TNFRSF11B: variants seen among roughly 807,000 people sequenced by gnomAD.
TNFRSF11B encodes tumor necrosis factor receptor superfamily member 11B.
Under a neutral mutation model 43.4 loss-of-function variants are expected in TNFRSF11B, and 16 were observed. The observed-to-expected ratio is 0.37, with a 90% confidence interval of 0.25 to 0.56. The LOEUF (loss-of-function observed/expected upper bound fraction) is 0.56, where lower values mean the gene tolerates loss of function less well. Among genes scored for constraint, TNFRSF11B ranks in the 20% least tolerant of loss-of-function variants. The pLI is 0.80. For synonymous variants in TNFRSF11B, 185 were observed against 181.8 expected, an observed-to-expected ratio of 1.02 and a Z score of -0.14; for missense variants, 444 against 490.1, an observed-to-expected ratio of 0.91 and a Z score of 0.89.
Position 118,933,090 on chromosome 8 carries a change from G to C in TNFRSF11B, c.241C>G (p.Leu81Val), listed in dbSNP as rs768572122. 4.3e-6 allele frequency: 7 copies of C among 1,614,230 alleles called. No homozygotes were observed. The South Asian group carries it at 6.6e-5, about 15-fold the overall frequency. The part of the protein sequence containing the change: ...TDSWHTSDEC[L>V]YCSPVCKELQ... Reference sequence around the variant, plus strand: ...TCCTTGCACACGGGGCTGCAGTATAGACACTCGTCACTGGTGTGCCAGCTG... The same window carrying C: ...TCCTTGCACACGGGGCTGCAGTATACACACTCGTCACTGGTGTGCCAGCTG... The change falls in exon 2 of 5, where the codon CTA becomes GTA. Residue 81 changes from leucine (L) to valine (V), a missense_variant. Transcript: ENST00000297350.
chr8:118,924,512 G>T lies in TNFRSF11B; in HGVS notation c.1068C>A (p.His356Gln). ...GACTCTGAGTGACAGTTTTGGGAAAGTGGTACGTCTTTGAGTGCTTTAGTG... is the reference window on the plus strand; with the variant it reads ...GACTCTGAGTGACAGTTTTGGGAAATTGGTACGTCTTTGAGTGCTTTAGTG... ...MHALKHSKTY[H>Q]FPKTVTQSLK... The change falls in exon 5 of 5, where the codon CAC (histidine) becomes CAA (glutamine). Residue 356 changes from histidine (H) to glutamine (Q), a missense_variant. His to Gln is a conservative substitution (Grantham distance 24). Transcript: ENST00000297350. 6.2e-7 allele frequency: 1 copy of T among 1,614,136 alleles called. No homozygotes were observed. The highest frequency in any genetic ancestry group is 8.5e-7 in the Non-Finnish European group (1 of 1,179,976).
chr8:118,943,218 TA>T (rs890891188), intron 1 of TNFRSF11B, among the ~76,000 whole-genome samples: 1 of 152,162 alleles, frequency 6.6e-6, no homozygotes, highest in African/African-American at 2.4e-5. Context: ...TTGTACTTTC[TA>T]AAAGGTACTA....
At chr8:118,944,150 A>T (rs1354852870) in intron 1 of TNFRSF11B, among the ~76,000 whole-genome samples, 1 of 152,146 alleles carries the variant, frequency 6.6e-6, no homozygotes, top group African/African-American at 2.4e-5. Context: ...GTCTTATGTC[A>T]TGCCAATAAA....
At chr8:118,929,765 C>T (rs981199499) in intron 2 of TNFRSF11B, among the ~76,000 whole-genome samples, 1 of 152,158 alleles carries the variant, frequency 6.6e-6, no homozygotes, top group Non-Finnish European at 1.5e-5. Context: ...TCATACATTC[C>T]AGTGTATCTG....
rs1323519806 is a variant in TNFRSF11B, at chr8:118,924,586, A to G, written c.994T>C (p.Trp332Arg). Reference protein sequence around the residue: ...SDQILKLLSLWRIKNGDQDTL... With the variant: ...SDQILKLLSLRRIKNGDQDTL... ...TCTTGGTCGCCATTTTTTATTCGCC[A>G]CAAACTGAGCAGCTTCAGGATCTGG... The change falls in exon 5 of 5, where the codon TGG becomes CGG. Residue 332 changes from tryptophan (W) to arginine (R), a missense_variant. Transcript: ENST00000297350. The G allele has an allele frequency of 1.9e-6, 3 of 1,614,038 alleles. No individual in the cohort carries two copies. Among genetic ancestry groups the G allele is most frequent in the Non-Finnish European group, 2.5e-6 (3 of 1,180,046 alleles).
chr8:118,948,800 AACTT>A lies in TNFRSF11B; in HGVS notation c.30+2988_30+2991del, dbSNP rs1226619035. 1.8e-4 allele frequency among the ~76,000 whole-genome samples: 27 copies of A among 151,662 alleles called. No homozygotes were observed. In the East Asian group the frequency reaches 4.9e-3, roughly 27 times the overall value. On this transcript the variant is annotated intron_variant, in intron 1 of 4. Transcript: ENST00000297350. ...AAAAACAAACAAACAAACAAAAAAA[AACTT>A]AACCACTAGGGGGAGGGAGAGGAAA...
chr8:118,942,965 C>T (rs1312389787), intron 1 of TNFRSF11B, among the ~76,000 whole-genome samples: 1 of 152,072 alleles, frequency 6.6e-6, no homozygotes, highest in African/African-American at 2.4e-5. Flanking sequence ...GTCCACCTAC[C>T]CACCTATTCA....
At chr8:118,930,818 T>C (rs888338878) in intron 2 of TNFRSF11B, 1 of 419,810 alleles carries the variant, frequency 2.4e-6, no homozygotes, top group Non-Finnish European at 4.9e-6. Context: ...TAAGTTAGCT[T>C]TTAAAGTTAT....
At chr8:118,935,675 T>G (rs1812396535) in intron 1 of TNFRSF11B, among the ~76,000 whole-genome samples, 1 of 152,158 alleles carries the variant, frequency 6.6e-6, no homozygotes, top group Non-Finnish European at 1.5e-5. Flanking sequence ...AAATGAGGAT[T>G]TCCTGATTCA....
intron 2 of TNFRSF11B, 26 bp downstream of exon 2, chr8:118,932,905 T>G: frequency 6.2e-7 from 1 of 1,613,746 alleles, no homozygotes; most frequent in Non-Finnish European, 8.5e-7. Context: ...TGATCCTAAT[T>G]AATTTTGCTG....
chr8:118,943,442 G>A (rs1478399321), intron 1 of TNFRSF11B, among the ~76,000 whole-genome samples: 1 of 152,058 alleles, frequency 6.6e-6, no homozygotes, highest in East Asian at 1.9e-4. Flanking sequence ...AATCCCTGTG[G>A]AAAACTCTGG....
chr8:118,946,503 CTCTT>C (rs1812562890), intron 1 of TNFRSF11B, among the ~76,000 whole-genome samples: 1 of 152,194 alleles, frequency 6.6e-6, no homozygotes, highest in Non-Finnish European at 1.5e-5. Context: ...CCATACCTCA[CTCTT>C]TCTTCTAGCA....
chr8:118,940,089 A>G (rs1473208737), intron 1 of TNFRSF11B, among the ~76,000 whole-genome samples: 1 of 152,152 alleles, frequency 6.6e-6, no homozygotes, highest in Non-Finnish European at 1.5e-5. Flanking sequence ...GACAGAAAAC[A>G]AAACACCCCA....
chr8:118,941,176 T>C (rs936282122), intron 1 of TNFRSF11B, among the ~76,000 whole-genome samples: 1 of 152,314 alleles, frequency 6.6e-6, no homozygotes, highest in African/African-American at 2.4e-5. Context: ...TTGTATGTAC[T>C]GTTCCATTTG....
At chr8:118,925,366 T>A (rs1812233364) in intron 4 of TNFRSF11B, among the ~76,000 whole-genome samples, 1 of 152,230 alleles carries the variant, frequency 6.6e-6, no homozygotes, top group South Asian at 2.1e-4. Context: ...AGTCACTTAG[T>A]ATCTGTGAGC....
chr8:118,935,629 A>C (rs922325357), intron 1 of TNFRSF11B, among the ~76,000 whole-genome samples: 1 of 152,192 alleles, frequency 6.6e-6, no homozygotes, highest in African/African-American at 2.4e-5. Flanking sequence ...TACATAATTC[A>C]GGGCTCCTAT....
chr8:118,926,636 G>A lies in TNFRSF11B; in HGVS notation c.675C>T (p.Asp225=), dbSNP rs760714285. ...CGTTTACTTTGGTGCCAGGCAAATTGTCTACCAAGACACTAAGCCAGTTAG... is the reference window on the plus strand; with the variant it reads ...CGTTTACTTTGGTGCCAGGCAAATTATCTACCAAGACACTAAGCCAGTTAG... ...FTPNWLSVLV[D]NLPGTKVNAE... Residue 225 remains aspartate (D), a synonymous_variant, in exon 4 of 5, where the codon GAC becomes GAT. Transcript: ENST00000297350. 1.9e-6 allele frequency: 3 copies of A among 1,614,068 alleles called. No homozygotes were observed. Among genetic ancestry groups the A allele is most frequent in the Non-Finnish European group, 2.5e-6 (3 of 1,179,996 alleles).
intron 1 of TNFRSF11B, among the ~76,000 whole-genome samples, chr8:118,948,807 C>A (rs1039741232): frequency 1.3e-5 from 2 of 150,818 alleles, no homozygotes; most frequent in African/African-American, 4.9e-5. Flanking sequence ...AAAAACTTAA[C>A]CACTAGGGGG....
At chr8:118,933,531 A>G (rs1285056203) in intron 1 of TNFRSF11B, among the ~76,000 whole-genome samples, 1 of 152,204 alleles carries the variant, frequency 6.6e-6, no homozygotes, top group Non-Finnish European at 1.5e-5. Context: ...AGATGACTGG[A>G]GTAGAAAGCC....
Sources: allele counts gnomAD v4.1 joint callset (sites outside exome capture counted in the v4.1 genomes callset), GRCh38; gene constraint gnomAD v4.1.1; transcripts MANE v1.5; gene names NCBI Gene and HGNC (gene_info 2026-07-23, HGNC 2026-07-21).